Variants in SPG11 observed in about 807,000 individuals in gnomAD.
The protein encoded by SPG11 is spatacsin.
SPG11 carries 222 observed loss-of-function variants against 274.0 expected under a neutral mutation model. That is an observed-to-expected ratio of 0.81 (90% CI 0.73 to 0.91). The LOEUF (loss-of-function observed/expected upper bound fraction) is 0.91, where lower values mean the gene tolerates loss of function less well. Ranked by LOEUF, SPG11 falls within the 40% of genes least tolerant of loss-of-function variation. SPG11 has a pLI of 0.00. For synonymous variants in SPG11, 1,144 were observed against 1,039.7 expected, an observed-to-expected ratio of 1.10 and a Z score of -1.93; for missense variants, 3,114 against 2,872.7, an observed-to-expected ratio of 1.08 and a Z score of -1.92.
intron 7 of SPG11, among the ~76,000 whole-genome samples, chr15:44,634,441 AT>A (rs1334276767): frequency 0.011 from 1,484 of 132,982 alleles, 13 homozygotes; most frequent in African/African-American, 0.03. Context: ...CACCCAGCTG[AT>A]TTTTTTTTTT....
chr15:44,614,372 G>A (rs1481391693), intron 16 of SPG11, among the ~76,000 whole-genome samples: 3 of 152,026 alleles, frequency 2.0e-5, no homozygotes, highest in African/African-American at 7.2e-5. Context: ...GACTACAGGT[G>A]TGTGCCACTA....
At chr15:44,629,706 T>C (rs765040575) in intron 8 of SPG11, among the ~76,000 whole-genome samples, 1 of 152,242 alleles carries the variant, frequency 6.6e-6, no homozygotes, top group Non-Finnish European at 1.5e-5. Context: ...GTGTGTATTA[T>C]ATTCTCTTTC....
chr15:44,660,696 A>G, intron 1 of SPG11, 80 bp from the exon 2 acceptor site: 5 of 1,336,370 alleles, frequency 3.7e-6, no homozygotes, highest in African/African-American at 1.5e-5. Context: ...GAAGGGTTGA[A>G]TAAGTAGAGA....
In SPG11 at chr15:44,566,970, T is replaced by C. The variant is rs143073915; in HGVS notation, c.6754+454A>G. Among the ~76,000 whole-genome samples, 158 of 151,936 alleles carry C rather than the reference T, an allele frequency of 1.0e-3. 1 individual carries two copies. The highest frequency in any genetic ancestry group is 3.1e-3 in the African/African-American group (129 of 41,498). On this transcript the variant is annotated intron_variant, in intron 36 of 39. Transcript: ENST00000261866. ...CACCTACCTTGGCCTCCCAAAGTGCTAGGATTACAGGCATGAGCCACTGTG... is the reference window on the plus strand; with the variant it reads ...CACCTACCTTGGCCTCCCAAAGTGCCAGGATTACAGGCATGAGCCACTGTG...
In SPG11 at chr15:44,613,451, G is replaced by C. The variant is rs778811267; in HGVS notation, c.3124C>G (p.Gln1042Glu). The change falls in exon 17 of 40, where the codon CAA (glutamine) becomes GAA (glutamate). Residue 1042 changes from glutamine (Q) to glutamate (E), a missense_variant. Transcript: ENST00000261866. ...ATACCTGTTAAGTTACTGGCAACTT[G>C]TCGACACTGAACTAAAAATTCAAAC... ...PWFEFLVQCRQVASNLTDPKL... is the reference protein window; with the variant it reads ...PWFEFLVQCREVASNLTDPKL... 5.0e-6 allele frequency: 8 copies of C among 1,613,372 alleles called. No individual in the cohort carries two copies. Among genetic ancestry groups the C allele is most frequent in the Non-Finnish European group, 6.8e-6 (8 of 1,179,550 alleles).
intron 1 of SPG11, among the ~76,000 whole-genome samples, chr15:44,662,282 G>A (rs187820901): frequency 2.0e-5 from 3 of 151,004 alleles, no homozygotes; most frequent in African/African-American, 7.4e-5. Flanking sequence ...AATGTCAGGA[G>A]CTGTTAGAGG....
chr15:44,570,410 T>C (rs1192477715), intron 34 of SPG11, 115 bp downstream of exon 34: 17 of 1,306,362 alleles, frequency 1.3e-5, no homozygotes, highest in Non-Finnish European at 1.8e-5. Flanking sequence ...TAGGTAGTGG[T>C]ATCCAGATGG....
chr15:44,613,131 G>A (rs930751864), intron 17 of SPG11, among the ~76,000 whole-genome samples: 3 of 152,176 alleles, frequency 2.0e-5, no homozygotes, highest in Non-Finnish European at 4.4e-5. Flanking sequence ...CTACCAGAGA[G>A]CAGGAATTCA....
At chr15:44,584,602 A>G (rs776253971) in intron 29 of SPG11, 44 bp from the exon 30 acceptor site, 21 of 1,592,584 alleles carry the variant, frequency 1.3e-5, no homozygotes, top group East Asian at 8.9e-5. Flanking sequence ...CTTGGATAAA[A>G]AAGTATCATA....
At chr15:44,611,954 C>G (rs147269046) in intron 17 of SPG11, among the ~76,000 whole-genome samples, 1 of 151,662 alleles carries the variant, frequency 6.6e-6, no homozygotes, top group Non-Finnish European at 1.5e-5. Context: ...TACAGGCACC[C>G]GCCACCAAGC....
chr15:44,566,631 G>A (rs774525824), intron 36 of SPG11, among the ~76,000 whole-genome samples: 1 of 152,060 alleles, frequency 6.6e-6, no homozygotes, highest in Non-Finnish European at 1.5e-5. Context: ...ATCCTAAATT[G>A]CACATGCCTT....
chr15:44,569,468 A>C lies in SPG11; in HGVS notation c.6515T>G (p.Met2172Arg). Reference sequence around the variant, plus strand: ...ATGCAGCAAATCAAATATGTATGTCATCTCGTTGTACCTTCCAATGCCAGT... The same window carrying C: ...ATGCAGCAAATCAAATATGTATGTCCTCTCGTTGTACCTTCCAATGCCAGT... Reference protein sequence around the residue: ...LLTGIGRYNEMTYIFDLLHKK... With the variant: ...LLTGIGRYNERTYIFDLLHKK... The change falls in exon 35 of 40, where the codon ATG (methionine) becomes AGG (arginine). Residue 2172 changes from methionine to arginine, a missense_variant. Physicochemically the swap from Met to Arg is moderately conservative, Grantham distance 91. Coordinates refer to ENST00000261866, the MANE Select transcript of SPG11 (RefSeq NM_025137.4). 1 of 1,602,744 alleles carries C rather than the reference A, an allele frequency of 6.2e-7. No homozygotes were observed. The highest frequency in any genetic ancestry group is 8.5e-7 in the Non-Finnish European group (1 of 1,173,946).
At chr15:44,615,605 C>G (rs375406836) in intron 15 of SPG11, 39 bp from the exon 16 acceptor site, 22 of 1,596,436 alleles carry the variant, frequency 1.4e-5, no homozygotes, top group Middle Eastern at 3.8e-4. Flanking sequence ...TAAAAAGTTG[C>G]TATGTTCAGA....
intron 28 of SPG11, 137 bp downstream of exon 28, chr15:44,589,113 CTG>C (rs751419154): frequency 1.1e-4 from 84 of 795,606 alleles, no homozygotes; most frequent in Non-Finnish European, 1.6e-4. Flanking sequence ...TTAAAGTTCT[CTG>C]TAACTTGTTT....
At chr15:44,588,740 G>A (rs1195810540) in intron 28 of SPG11, 6 of 351,766 alleles carry the variant, frequency 1.7e-5, no homozygotes, top group East Asian at 8.8e-5. Context: ...TTGATCAACC[G>A]CGGGTACATA....
chr15:44,663,543 G>A lies in SPG11; in HGVS notation c.105C>T (p.Ala35=), dbSNP rs1595945253. The A allele has an allele frequency of 2.5e-6, 4 of 1,597,040 alleles. No individual in the cohort carries two copies. The highest frequency in any genetic ancestry group is 2.3e-5 in the East Asian group (1 of 44,192). The change falls in exon 1 of 40, where the codon GCC becomes GCT. Residue 35 remains alanine, a synonymous_variant. Transcript: ENST00000261866. The part of the protein sequence containing the change: ...VLPMLLVPVP[A]EAMGQLGSRA... ...GGGAGCCGAGCTGCCCCATCGCCTC[G>A]GCGGGGACTGGCACCAACAGCATCG...
At chr15:44,647,217 T>A (rs549811425) in intron 7 of SPG11, among the ~76,000 whole-genome samples, 7 of 152,206 alleles carry the variant, frequency 4.6e-5, no homozygotes, top group African/African-American at 1.7e-4. Context: ...AAAACCACAA[T>A]GAGATGCCAT....
At chr15:44,626,813 C>T (rs903995731) in intron 10 of SPG11, among the ~76,000 whole-genome samples, 1 of 151,942 alleles carries the variant, frequency 6.6e-6, no homozygotes, top group Non-Finnish European at 1.5e-5. Context: ...CCACCCCCAC[C>T]CCCGTGTCCC....
chr15:44,570,690 A>G, intron 33 of SPG11, 32 bp from the exon 34 acceptor site: 1 of 1,609,528 alleles, frequency 6.2e-7, no homozygotes, highest in South Asian at 1.1e-5. Context: ...AGATAAGATT[A>G]TGAACCCTGG....
Sources: allele counts gnomAD v4.1 joint callset (sites outside exome capture counted in the v4.1 genomes callset), GRCh38; gene constraint gnomAD v4.1.1; transcripts MANE v1.5; gene names NCBI Gene and HGNC (gene_info 2026-07-23, HGNC 2026-07-21).